The following NAV3 variants were observed in gnomAD, a reference collection of about 807,000 sequenced individuals.
The protein encoded by NAV3 is pore membrane and/or filament interacting like protein 1.
In NAV3, 87 loss-of-function variants were observed where a neutral mutation model predicts 244.7. The ratio of observed to expected loss-of-function variants is 0.36; its 90% CI spans 0.30 to 0.42. NAV3 has a LOEUF of 0.42. Ranked by LOEUF, NAV3 falls within the 20% of genes least tolerant of loss-of-function variation. The pLI is 1.00. For missense variants in NAV3, 2,663 were observed against 2,893.3 expected (o/e 0.92, Z 1.83); for synonymous variants, 1,126 against 1,042.2 (o/e 1.08, Z -1.55).
intron 3 of NAV3, among the ~76,000 whole-genome samples, chr12:77,949,744 G>T (rs540893276): frequency 8.1e-4 from 123 of 151,856 alleles, no homozygotes; most frequent in Non-Finnish European, 1.3e-3. Context: ...TTTACTCTTG[G>T]TATTGTACAT....
At chr12:77,796,742 CA>C (rs1315612229) in intron 2 of NAV3, among the ~76,000 whole-genome samples, 1 of 152,118 alleles carries the variant, frequency 6.6e-6, no homozygotes, top group Non-Finnish European at 1.5e-5. Context: ...CAGTCAGTGG[CA>C]GTCAATACTG....
Position 78,007,359 on chromosome 12 carries a change from G to T in NAV3, c.1821G>T (p.Gln607His), listed in dbSNP as rs1280272614. 6 of 1,614,178 alleles carry T rather than the reference G, an allele frequency of 3.7e-6. No homozygotes were observed. Among genetic ancestry groups the T allele is most frequent in the Non-Finnish European group, 5.1e-6 (6 of 1,180,026 alleles). Reference sequence around the variant, plus strand: ...TGACAGTGGCACAAAGCAGTGGGCAGAGCACAGGAAATGGTGCTGTCCAAC... The same window carrying T: ...TGACAGTGGCACAAAGCAGTGGGCATAGCACAGGAAATGGTGCTGTCCAAC... ...CTMTVAQSSGQSTGNGAVQLP... is the reference protein window; with the variant it reads ...CTMTVAQSSGHSTGNGAVQLP... Residue 607 changes from glutamine to histidine, a missense_variant, in exon 8 of 40, where the codon CAG becomes CAT. Gln to His is a conservative substitution (Grantham distance 24). Around this residue, in one of 6 missense-constraint regions of NAV3, gnomAD observed 1,521 missense variants for 1,497.0 expected, o/e 1.02. Transcript: ENST00000397909.
chr12:78,108,729 A>G (rs1057337389), intron 12 of NAV3, among the ~76,000 whole-genome samples: 2 of 152,150 alleles, frequency 1.3e-5, no homozygotes, highest in Non-Finnish European at 2.9e-5. Context: ...TAAGGAAATT[A>G]AGCTGAAAAT....
At chr12:77,591,777 G>T (rs937464962) in intron 2 of NAV3, among the ~76,000 whole-genome samples, 4 of 152,100 alleles carry the variant, frequency 2.6e-5, no homozygotes, top group Non-Finnish European at 5.9e-5. Flanking sequence ...GTGTATGTTT[G>T]TATACTTATA....
At chr12:77,833,476 G>A (rs190810154) in intron 1 of NAV3, among the ~76,000 whole-genome samples, 25 of 152,258 alleles carry the variant, frequency 1.6e-4, no homozygotes, top group African/African-American at 6.0e-4. Context: ...TCAATGCCCC[G>A]CTGCTGAAAC....
At chr12:78,036,557 A>T (rs1189143319) in intron 9 of NAV3, 1 of 233,846 alleles carries the variant, frequency 4.3e-6, no homozygotes, top group African/African-American at 2.2e-5. Context: ...TTGGATGAAG[A>T]CGGGCAAACG....
intron 1 of NAV3, among the ~76,000 whole-genome samples, chr12:77,930,293 T>C (rs778938792): frequency 5.9e-5 from 9 of 152,178 alleles, no homozygotes; most frequent in Non-Finnish European, 1.3e-4. Context: ...ATTGTTCCCA[T>C]GTAAATATTA....
chr12:77,600,098 T>C (rs1306510370), intron 2 of NAV3, among the ~76,000 whole-genome samples: 2 of 151,956 alleles, frequency 1.3e-5, no homozygotes, highest in Non-Finnish European at 1.5e-5. Context: ...TTAGAAACAT[T>C]GATGCTTAAG....
chr12:77,863,851 T>G (rs1381220556), intron 1 of NAV3, among the ~76,000 whole-genome samples: 4 of 152,036 alleles, frequency 2.6e-5, no homozygotes, highest in African/African-American at 9.6e-5. Context: ...AAAGACAGTT[T>G]ACTCAAATTA....
chr12:77,856,890 TA>T (rs779122658), intron 1 of NAV3, among the ~76,000 whole-genome samples: 7 of 152,160 alleles, frequency 4.6e-5, no homozygotes, highest in Non-Finnish European at 1.0e-4. Flanking sequence ...TGAGTGGATC[TA>T]AATTTTTAGA....
chr12:77,763,509 G>C (rs1439811896), intron 2 of NAV3, among the ~76,000 whole-genome samples: 1 of 152,164 alleles, frequency 6.6e-6, no homozygotes, highest in Non-Finnish European at 1.5e-5. Context: ...GGTGAGAGCT[G>C]AGGTGTGAAC....
chr12:77,635,114 G>A (rs1872100128), intron 2 of NAV3, among the ~76,000 whole-genome samples: 1 of 152,060 alleles, frequency 6.6e-6, no homozygotes, highest in African/African-American at 2.4e-5. Flanking sequence ...CTGTAAACCA[G>A]CTACCTGGGA....
chr12:77,724,453 A>G (rs1264151829), intron 2 of NAV3, among the ~76,000 whole-genome samples: 1 of 152,098 alleles, frequency 6.6e-6, no homozygotes, highest in African/African-American at 2.4e-5. Flanking sequence ...TATTTAGGCC[A>G]CTTTGGGGGG....
intron 1 of NAV3, among the ~76,000 whole-genome samples, chr12:77,913,301 A>C (rs1886799555): frequency 6.6e-6 from 1 of 152,096 alleles, no homozygotes; most frequent in African/African-American, 2.4e-5. Flanking sequence ...TAATACCTTT[A>C]TTCTTATTAT....
chr12:77,690,108 A>C (rs553748973), intron 2 of NAV3, among the ~76,000 whole-genome samples: 1 of 151,834 alleles, frequency 6.6e-6, no homozygotes, highest in African/African-American at 2.4e-5. Context: ...TCATCAGGTC[A>C]TCTGTATCAG....
intron 2 of NAV3, among the ~76,000 whole-genome samples, chr12:77,824,894 AAACAACAACAAC>A (rs149054152): frequency 1.8e-4 from 27 of 150,484 alleles, no homozygotes; most frequent in African/African-American, 5.9e-4. Flanking sequence ...TCCGTCTCAA[AAACAACAACAAC>A]AACAACAACA....
At chr12:77,957,617 A>C (rs1423248826) in intron 3 of NAV3, among the ~76,000 whole-genome samples, 1 of 152,220 alleles carries the variant, frequency 6.6e-6, no homozygotes, top group Non-Finnish European at 1.5e-5. Context: ...TGCTAATTAA[A>C]AGCACTACAT....
At chr12:78,185,448 T>C (rs1038588127) in intron 30 of NAV3, among the ~76,000 whole-genome samples, 153 bp from the exon 31 acceptor site, 19 of 151,848 alleles carry the variant, frequency 1.3e-4, no homozygotes, top group Non-Finnish European at 1.0e-4. Flanking sequence ...TAATTCATCT[T>C]CTGGAAAGCT....
chr12:77,577,859 C>T (rs1404747485), intron 2 of NAV3, among the ~76,000 whole-genome samples: 1 of 152,134 alleles, frequency 6.6e-6, no homozygotes, highest in Non-Finnish European at 1.5e-5. Flanking sequence ...CTAAGACTAA[C>T]ATTTTTCTTC....
Sources: gnomAD v4.1 joint callset for allele counts (sites outside exome capture counted in the v4.1 genomes callset) on GRCh38, gnomAD v4.1.1 for gene constraint, gnomAD v4.1.1 regional missense constraint, MANE v1.5 for transcripts, NCBI Gene and HGNC (gene_info 2026-07-23, HGNC 2026-07-21) for gene names.